The following PCP4 variants were observed in gnomAD, a reference collection of about 807,000 sequenced individuals.
PCP4 encodes the protein calmodulin regulator protein PCP4.
PCP4 carries 8 observed loss-of-function variants against 10.0 expected under a neutral mutation model. The ratio of observed to expected loss-of-function variants is 0.80; its 90% CI spans 0.47 to 1.45. The LOEUF is 1.45. PCP4 is among the 40% of genes most tolerant of loss of function. The probability of loss-of-function intolerance (pLI) is 0.00; values close to 1 mark genes in which losing one functional copy is unlikely to be tolerated. For missense variants in PCP4, 54 were observed against 74.4 expected, an observed-to-expected ratio of 0.73 and a Z score of 1.01; for synonymous variants, 21 against 23.0, an observed-to-expected ratio of 0.91 and a Z score of 0.24.
chr21:39,895,386 T>C (rs574556177), intron 1 of PCP4, among the ~76,000 whole-genome samples: 8 of 152,378 alleles, frequency 5.3e-5, no homozygotes, highest in African/African-American at 1.9e-4. Context: ...AGCCAAGTGT[T>C]CTCAAAACTC....
intron 2 of PCP4, among the ~76,000 whole-genome samples, chr21:39,919,715 T>G (rs1226166339): frequency 1.3e-5 from 2 of 150,072 alleles, no homozygotes; most frequent in Non-Finnish European, 2.9e-5. Flanking sequence ...GTGTGGTTTG[T>G]GTGTGTGTGG....
intron 1 of PCP4, among the ~76,000 whole-genome samples, 154 bp downstream of exon 1, chr21:39,867,664 T>C (rs893108426): frequency 6.6e-6 from 1 of 152,192 alleles, no homozygotes; most frequent in Non-Finnish European, 1.5e-5. Context: ...ATTAATCTCT[T>C]GGTTTGAATG....
intron 2 of PCP4, among the ~76,000 whole-genome samples, chr21:39,909,374 G>A (rs1030965384): frequency 2.0e-5 from 3 of 152,138 alleles, no homozygotes; most frequent in African/African-American, 7.2e-5. Context: ...ATTTCCTTCA[G>A]TCTCATCATG....
At chr21:39,924,513 C>A (rs986268542) in intron 2 of PCP4, among the ~76,000 whole-genome samples, 11 of 152,016 alleles carry the variant, frequency 7.2e-5, no homozygotes, top group Admixed American at 4.6e-4. Context: ...AGGGCTTTGG[C>A]TGCTGGGACA....
intron 2 of PCP4, among the ~76,000 whole-genome samples, chr21:39,903,664 C>G (rs1054761401): frequency 1.3e-5 from 2 of 151,720 alleles, no homozygotes. Flanking sequence ...GTCAGGAGAT[C>G]GAGACCATCC....
chr21:39,915,451 T>TA (rs558494506), intron 2 of PCP4, among the ~76,000 whole-genome samples: 1 of 152,212 alleles, frequency 6.6e-6, no homozygotes, highest in African/African-American at 2.4e-5. Flanking sequence ...CACACACGTG[T>TA]AGAAGATGAG....
At chr21:39,903,097 A>G (rs146741334) in intron 2 of PCP4, among the ~76,000 whole-genome samples, 8 of 152,174 alleles carry the variant, frequency 5.3e-5, no homozygotes, top group Non-Finnish European at 8.8e-5. Flanking sequence ...CAAGAGTTAA[A>G]TTTTTTTATT....
intron 2 of PCP4, among the ~76,000 whole-genome samples, chr21:39,921,968 T>C (rs919959954): frequency 1.3e-5 from 2 of 152,202 alleles, no homozygotes; most frequent in African/African-American, 4.8e-5. Flanking sequence ...CAAGTGGAAT[T>C]TTAATTTATC....
At chr21:39,887,800 C>A (rs985261605) in intron 1 of PCP4, among the ~76,000 whole-genome samples, 2 of 152,188 alleles carry the variant, frequency 1.3e-5, no homozygotes, top group African/African-American at 4.8e-5. Flanking sequence ...ACCATAGTAA[C>A]AGGCCTTTTT....
chr21:39,877,767 T>A (rs1302617903), intron 1 of PCP4, among the ~76,000 whole-genome samples: 1 of 152,182 alleles, frequency 6.6e-6, no homozygotes, highest in Non-Finnish European at 1.5e-5. Flanking sequence ...AAAGTTTTCT[T>A]TTGTTTTGCC....
chr21:39,867,629 A>T, intron 1 of PCP4, 119 bp downstream of exon 1: 1 of 999,154 alleles, frequency 1.0e-6, no homozygotes, highest in Admixed American at 1.7e-5. Context: ...TAATCCTGTA[A>T]TTATTTGCTT....
chr21:39,903,867 C>CAAAAAAAAAAAAAA (rs1210365373), intron 2 of PCP4, among the ~76,000 whole-genome samples: 18 of 34,812 alleles, frequency 5.2e-4, no homozygotes, highest in African/African-American at 1.3e-3. Flanking sequence ...GACTCCGTCT[C>CAAAAAAAAAAAAAA]AAAAAAAACA....
At chr21:39,922,471 C>T (rs912596638) in intron 2 of PCP4, among the ~76,000 whole-genome samples, 3 of 152,186 alleles carry the variant, frequency 2.0e-5, no homozygotes, top group Admixed American at 1.3e-4. Context: ...TATACTAGTG[C>T]AAAGTTTAAA....
chr21:39,886,960 G>A (rs1345036893), intron 1 of PCP4, among the ~76,000 whole-genome samples: 3 of 151,960 alleles, frequency 2.0e-5, no homozygotes, highest in South Asian at 2.1e-4. Flanking sequence ...ATTTCACAAC[G>A]GCCATATCCT....
At chr21:39,903,884 A>AC (rs201828473) in intron 2 of PCP4, among the ~76,000 whole-genome samples, 25,183 of 150,278 alleles carry the variant, frequency 0.17, 2,450 homozygotes, top group African/African-American at 0.2. Context: ...AACAAAAAAA[A>AC]AAAAAAAAAA....
At chr21:39,885,024 C>T (rs148710069) in intron 1 of PCP4, among the ~76,000 whole-genome samples, 42 of 152,266 alleles carry the variant, frequency 2.8e-4, no homozygotes, top group Non-Finnish European at 5.1e-4. Flanking sequence ...CATAGTGCGA[C>T]AGTTTATAAA....
rs370896288 is a variant in PCP4 at position 39,915,031 on chromosome 21, C to T, written c.62-13953C>T. Among the ~76,000 whole-genome samples, 205 of 152,198 alleles carry T rather than the reference C, an allele frequency of 1.3e-3. 5 individuals are homozygous for T. The South Asian group carries it at 0.038, about 29-fold the overall frequency. ...CCTGAAATCTGACTAGGGAGGTCACCGTCCCTGGAGCAGGACCTGCTCACA... is the reference window on the plus strand; with the variant it reads ...CCTGAAATCTGACTAGGGAGGTCACTGTCCCTGGAGCAGGACCTGCTCACA... On this transcript the variant is annotated intron_variant, in intron 2 of 2. Transcript: ENST00000328619.
chr21:39,871,542 G>A (rs906640507), intron 1 of PCP4, among the ~76,000 whole-genome samples: 1 of 152,228 alleles, frequency 6.6e-6, no homozygotes, highest in Non-Finnish European at 1.5e-5. Context: ...TGTACCTGCA[G>A]CAAGGACTCT....
intron 2 of PCP4, among the ~76,000 whole-genome samples, chr21:39,916,364 C>CT (rs1308615720): frequency 4.6e-5 from 7 of 152,230 alleles, no homozygotes; most frequent in African/African-American, 1.7e-4. Context: ...TGGCCCCAGT[C>CT]TAACTGGTTA....
Sources: allele counts gnomAD v4.1 joint callset (sites outside exome capture counted in the v4.1 genomes callset), GRCh38; gene constraint gnomAD v4.1.1; transcripts MANE v1.5; gene names NCBI Gene and HGNC (gene_info 2026-07-23, HGNC 2026-07-21).